WDR7: variants seen among roughly 807,000 people sequenced by gnomAD.
The protein encoded by WDR7 is WD repeat-containing protein 7.
WDR7 carries 46 observed loss-of-function variants against 169.4 expected under a neutral mutation model. That is an observed-to-expected ratio of 0.27 (90% CI 0.21 to 0.35). The LOEUF is 0.35. Ranked by LOEUF, WDR7 falls within the 10% of genes least tolerant of loss-of-function variation. WDR7 has a pLI of 1.00. For missense variants in WDR7, 1,534 were observed against 1,859.3 expected (o/e 0.83, Z 3.22); for synonymous variants, 612 against 666.8 (o/e 0.92, Z 1.27).
intron 20 of WDR7, among the ~76,000 whole-genome samples, chr18:56,831,420 C>G (rs1358192749): frequency 2.0e-5 from 3 of 152,088 alleles, no homozygotes; most frequent in Non-Finnish European, 2.9e-5. Flanking sequence ...GCTGAAAATA[C>G]TGGGGAATGA....
chr18:56,983,164 T>C (rs1054983042), intron 26 of WDR7, among the ~76,000 whole-genome samples: 3 of 152,208 alleles, frequency 2.0e-5, no homozygotes, highest in African/African-American at 7.2e-5. Flanking sequence ...CTGTGTATAC[T>C]CTTGCTTTTC....
At chr18:56,666,201 C>CTTTTTTTTTTTTTTTTT (rs71169386) in intron 1 of WDR7, among the ~76,000 whole-genome samples, 1 of 100,978 alleles carries the variant, frequency 9.9e-6, no homozygotes, top group Non-Finnish European at 1.8e-5. Flanking sequence ...ATTCCTTCGT[C>CTTTTTTTTTTTTTTTTT]TTTTTTTTTT....
chr18:56,812,008 A>AT (rs1352585082), intron 19 of WDR7, among the ~76,000 whole-genome samples: 5 of 152,080 alleles, frequency 3.3e-5, no homozygotes, highest in African/African-American at 1.2e-4. Flanking sequence ...ACTTACTGGG[A>AT]TTTTGTTAGA....
chr18:56,852,652 C>T (rs547620318), intron 20 of WDR7, among the ~76,000 whole-genome samples: 5 of 152,008 alleles, frequency 3.3e-5, no homozygotes, highest in Non-Finnish European at 5.9e-5. Flanking sequence ...TCTGGGGCCA[C>T]GTTAGTATAA....
At chr18:56,692,354 A>G (rs1161218165) in intron 9 of WDR7, among the ~76,000 whole-genome samples, 1 of 151,960 alleles carries the variant, frequency 6.6e-6, no homozygotes, top group African/African-American at 2.4e-5. Flanking sequence ...CTTAATGTTG[A>G]AGTACAACAG....
Position 56,935,916 on chromosome 18 carries a change from CT to C in WDR7, c.3831+13del, listed in dbSNP as rs1341142423. On this transcript the variant is annotated intron_variant, in intron 23 of 27. Transcript: ENST00000254442. Reference sequence around the variant, plus strand: ...ACCATAGCCAAAGAGGTGAGCGGAACTTCTCAGTGTGCTCCATCTTCTCATT... The same window carrying C: ...ACCATAGCCAAAGAGGTGAGCGGAACTCTCAGTGTGCTCCATCTTCTCATT... The C allele has an allele frequency of 6.2e-7, 1 of 1,606,408 alleles. No individual in the cohort carries two copies. Among genetic ancestry groups the C allele is most frequent in the East Asian group, 2.2e-5 (1 of 44,840 alleles).
At chr18:56,908,806 C>G (rs1377194131) in intron 21 of WDR7, among the ~76,000 whole-genome samples, 4 of 152,138 alleles carry the variant, frequency 2.6e-5, no homozygotes, top group Non-Finnish European at 4.4e-5. Context: ...TCCCTGTTTC[C>G]CTCTTTCCTT....
intron 9 of WDR7, 129 bp from the exon 10 acceptor site, chr18:56,694,490 A>G (rs2144634689): frequency 1.3e-6 from 1 of 775,090 alleles, no homozygotes; most frequent in Non-Finnish European, 2.0e-6. Flanking sequence ...TTGAATAATC[A>G]TGCTATAAAC....
At chr18:56,844,317 A>G (rs1400418869) in intron 20 of WDR7, among the ~76,000 whole-genome samples, 1 of 152,166 alleles carries the variant, frequency 6.6e-6, no homozygotes, top group African/African-American at 2.4e-5. Flanking sequence ...TTAACTTTTT[A>G]AAAAATAGAT....
chr18:57,021,178 A>C (rs1441563621), intron 27 of WDR7, among the ~76,000 whole-genome samples: 2 of 152,124 alleles, frequency 1.3e-5, no homozygotes, highest in Non-Finnish European at 2.9e-5. Flanking sequence ...GTGACACCTA[A>C]ACTGAGGCTT....
intron 18 of WDR7, among the ~76,000 whole-genome samples, chr18:56,780,546 A>G (rs9954113): frequency 1.3e-5 from 2 of 152,086 alleles, no homozygotes; most frequent in South Asian, 4.1e-4. Flanking sequence ...AGGCCGGGTG[A>G]TGTGGGTCAT....
Position 56,655,674 on chromosome 18 carries a change from G to T in WDR7, c.-20+4098G>T, listed in dbSNP as rs776249209. Among the ~76,000 whole-genome samples the T allele has an allele frequency of 1.2e-4, 18 of 148,466 alleles. No individual in the cohort carries two copies. In the South Asian group the frequency reaches 2.1e-3, roughly 18 times the overall value. ...TATGGAACTATTCTATCACTACAAAGATTTTCTTCATGTTACCTCTTTCTA... is the reference window on the plus strand; with the variant it reads ...TATGGAACTATTCTATCACTACAAATATTTTCTTCATGTTACCTCTTTCTA... On this transcript the variant is annotated intron_variant, in intron 1 of 27. Transcript: ENST00000254442.
intron 25 of WDR7, among the ~76,000 whole-genome samples, chr18:56,956,251 C>T (rs72930723): frequency 0.022 from 3,283 of 152,236 alleles, 43 homozygotes; most frequent in Non-Finnish European, 0.03. Context: ...CACCCTCCAC[C>T]GTTCATAGCC....
intron 20 of WDR7, among the ~76,000 whole-genome samples, chr18:56,828,626 A>G (rs1028411301): frequency 6.6e-6 from 1 of 152,244 alleles, no homozygotes; most frequent in Admixed American, 6.5e-5. Context: ...TCACCATACT[A>G]TCATTAAATA....
chr18:56,771,720 A>G (rs142169525), intron 16 of WDR7, among the ~76,000 whole-genome samples: 95 of 151,926 alleles, frequency 6.3e-4, no homozygotes, highest in African/African-American at 2.0e-3. Flanking sequence ...CATCTCTACT[A>G]GAAAATACAA....
intron 19 of WDR7, among the ~76,000 whole-genome samples, chr18:56,807,761 A>G (rs907401490): frequency 4.8e-5 from 7 of 146,572 alleles, no homozygotes; most frequent in African/African-American, 1.9e-4. Context: ...TAATTCTTAC[A>G]TTGTTATTTG....
chr18:56,959,201 C>T (rs1369144130), intron 25 of WDR7, among the ~76,000 whole-genome samples: 4 of 151,942 alleles, frequency 2.6e-5, no homozygotes, highest in Admixed American at 6.6e-5. Context: ...CTGTCAAAAC[C>T]CCCAAATGGG....
chr18:56,816,529 A>G (rs2044973802), intron 20 of WDR7, among the ~76,000 whole-genome samples: 1 of 152,238 alleles, frequency 6.6e-6, no homozygotes, highest in Admixed American at 6.5e-5. Context: ...ATCACAATAT[A>G]TACAATATAA....
In WDR7 at chr18:56,824,245, G is replaced by A. The variant is rs17090370; in HGVS notation, c.3304+8101G>A. Among the ~76,000 whole-genome samples, 622 of 152,186 alleles carry A rather than the reference G, an allele frequency of 4.1e-3. 4 individuals are homozygous for A. The highest frequency in any genetic ancestry group is 0.014 in the African/African-American group (583 of 41,522). On this transcript the variant is annotated intron_variant, in intron 20 of 27. Coordinates refer to ENST00000254442, the MANE Select transcript of WDR7 (RefSeq NM_015285.3). ...TCCCCTCAAATTCAGCTTGAGTGTC[G>A]TCATCTTCATGGATCCTATCTGGAC... is the stretch of plus-strand genomic sequence containing the variant.
Sources: allele counts gnomAD v4.1 joint callset (sites outside exome capture counted in the v4.1 genomes callset), GRCh38; gene constraint gnomAD v4.1.1; transcripts MANE v1.5; gene names NCBI Gene and HGNC (gene_info 2026-07-23, HGNC 2026-07-21).